Variants in ABCB1 observed in about 807,000 individuals in gnomAD.
ABCB1 encodes the protein ATP-dependent translocase ABCB1.
ABCB1 carries 69 observed loss-of-function variants against 142.0 expected under a neutral mutation model. The observed-to-expected ratio is 0.49, with a 90% CI of 0.40 to 0.59. The LOEUF is 0.59. Ranked by LOEUF, ABCB1 falls within the 20% of genes least tolerant of loss-of-function variation. The pLI is 0.00. For synonymous variants in ABCB1, 532 were observed against 539.2 expected, an observed-to-expected ratio of 0.99 and a Z score of 0.18; for missense variants, 1,326 against 1,554.7, an observed-to-expected ratio of 0.85 and a Z score of 2.47.
intron 25 of ABCB1, among the ~76,000 whole-genome samples, chr7:87,512,681 C>A (rs539531709): frequency 6.6e-6 from 1 of 152,214 alleles, no homozygotes; most frequent in African/African-American, 2.4e-5. Flanking sequence ...CAGGGCTACT[C>A]ATTGATGTCC....
chr7:87,690,949 A>G (rs1827956727), intron 1 of ABCB1, among the ~76,000 whole-genome samples: 1 of 152,142 alleles, frequency 6.6e-6, no homozygotes, highest in South Asian at 2.1e-4. Context: ...AGAGAGAGAG[A>G]AAATAGAATA....
chr7:87,679,931 T>A (rs1826759254), intron 1 of ABCB1, among the ~76,000 whole-genome samples: 1 of 150,564 alleles, frequency 6.6e-6, no homozygotes, highest in Non-Finnish European at 1.5e-5. Context: ...TACACTTTTT[T>A]AAACAAATTA....
chr7:87,654,865 C>A (rs891299728), intron 1 of ABCB1, among the ~76,000 whole-genome samples: 6 of 151,954 alleles, frequency 3.9e-5, no homozygotes, highest in African/African-American at 1.4e-4. Context: ...AAATAAATAG[C>A]CTGATTTAGG....
At chr7:87,679,550 CA>C (rs1234201901) in intron 1 of ABCB1, among the ~76,000 whole-genome samples, 1 of 149,970 alleles carries the variant, frequency 6.7e-6, no homozygotes, top group East Asian at 2.0e-4. Context: ...CCACTACACC[CA>C]GCTAATTTTT....
In ABCB1 at chr7:87,566,777, AT is replaced by A; in HGVS notation, c.530+7del. On this transcript the variant is annotated splice_region_variant and intron_variant, in intron 6 of 27. Coordinates refer to ENST00000622132, the MANE Select transcript of ABCB1 (RefSeq NM_001348946.2). ...ACACCCAAGTTCAACATAAAACTAAATACTTACTCTGTAAGTCGGGTGTTAA... is the reference window on the plus strand; with the variant it reads ...ACACCCAAGTTCAACATAAAACTAAAACTTACTCTGTAAGTCGGGTGTTAA... 4.3e-6 allele frequency: 7 copies of A among 1,612,822 alleles called. No homozygotes were observed. Among genetic ancestry groups the A allele is most frequent in the Non-Finnish European group, 5.9e-6 (7 of 1,178,842 alleles).
chr7:87,709,060 A>G (rs139041939), intron 1 of ABCB1, among the ~76,000 whole-genome samples: 43 of 152,274 alleles, frequency 2.8e-4, no homozygotes, highest in Admixed American at 4.6e-4. Context: ...CTTCTGTTCT[A>G]TTAAAAGTTC....
intron 24 of ABCB1, among the ~76,000 whole-genome samples, chr7:87,515,996 T>G (rs1312124910): frequency 6.6e-6 from 1 of 152,132 alleles, no homozygotes; most frequent in African/African-American, 2.4e-5. Flanking sequence ...CTACAATAAC[T>G]CAAATCTGTT....
intron 12 of ABCB1, 28 bp from the exon 13 acceptor site, chr7:87,550,082 A>G: frequency 6.2e-7 from 1 of 1,614,084 alleles, no homozygotes; most frequent in Non-Finnish European, 8.5e-7. Context: ...TGTGACTTTC[A>G]TACATTTGTA....
At chr7:87,610,164 G>A (rs1215217324) in intron 1 of ABCB1, among the ~76,000 whole-genome samples, 1 of 149,686 alleles carries the variant, frequency 6.7e-6, no homozygotes, top group Non-Finnish European at 1.5e-5. Context: ...TGACCTTGTA[G>A]TTGTGTTTCT....
rs550891472 is a variant in ABCB1, at chr7:87,512,483, G to A, written c.3282+2748C>T. 5.0e-4 allele frequency among the ~76,000 whole-genome samples: 76 copies of A among 152,262 alleles called. No individual in the cohort carries two copies. The South Asian group carries it at 0.015, about 30-fold the overall frequency. On this transcript the variant is annotated intron_variant, in intron 25 of 27. Transcript: ENST00000622132. ...TGAGGCCATTCTAATATTCACCGAA[G>A]CTTTAGAACCACCATTTCAGGTCAA...
chr7:87,520,983 A>T (rs1563032527), intron 21 of ABCB1, 107 bp from the exon 22 acceptor site: 1 of 829,776 alleles, frequency 1.2e-6, no homozygotes, highest in South Asian at 1.5e-5. Flanking sequence ...TTACATATTT[A>T]TTATTATGTA....
rs1166730436 is a variant in ABCB1, at chr7:87,536,645, C to A, written c.2398-104G>T. The A allele has an allele frequency of 1.2e-5, 11 of 892,182 alleles. No individual in the cohort carries two copies. The African/African-American group carries it at 1.6e-4, about 13-fold the overall frequency. The allele number at this position is 892,182 out of a possible 1,614,324, so 55.3% of individuals were successfully genotyped here. ...GTTTTGTTTATACTTATACCCCCTGCATTTAGTACTCAGGATGTGACATTC... is the reference window on the plus strand; with the variant it reads ...GTTTTGTTTATACTTATACCCCCTGAATTTAGTACTCAGGATGTGACATTC... On this transcript the variant is annotated intron_variant, in intron 19 of 27. Transcript: ENST00000622132.
At chr7:87,608,566 T>C (rs1819740954) in intron 1 of ABCB1, among the ~76,000 whole-genome samples, 1 of 152,198 alleles carries the variant, frequency 6.6e-6, no homozygotes, top group African/African-American at 2.4e-5. Flanking sequence ...CCCTTTGCCC[T>C]AAGATATCAG....
chr7:87,710,544 A>G (rs904445516), intron 1 of ABCB1: 7 of 1,386,918 alleles, frequency 5.0e-6, no homozygotes, highest in Non-Finnish European at 7.0e-6. Context: ...TTTTTTTTAT[A>G]TTTGATTCTT....
chr7:87,527,078 A>T (rs1288790134), intron 21 of ABCB1, among the ~76,000 whole-genome samples: 1 of 152,014 alleles, frequency 6.6e-6, no homozygotes, highest in African/African-American at 2.4e-5. Flanking sequence ...TTTTAATAGC[A>T]TCTAGGAACA....
intron 1 of ABCB1, among the ~76,000 whole-genome samples, chr7:87,699,944 T>C (rs1301744028): frequency 6.6e-6 from 1 of 152,184 alleles, no homozygotes; most frequent in Admixed American, 6.5e-5. Context: ...AAACAACACA[T>C]TGTATACCTT....
chr7:87,605,633 C>G (rs1819624408), upstream of ABCB1, among the ~76,000 whole-genome samples: 1 of 152,152 alleles, frequency 6.6e-6, no homozygotes, highest in Admixed American at 6.5e-5. Context: ...GGAATTCCAG[C>G]TTCATGACTT....
intron 1 of ABCB1, among the ~76,000 whole-genome samples, chr7:87,624,153 A>G (rs1265804207): frequency 2.6e-5 from 4 of 152,216 alleles, no homozygotes; most frequent in Admixed American, 6.5e-5. Context: ...AAAAATTTAT[A>G]TCTATCCATT....
intron 21 of ABCB1, among the ~76,000 whole-genome samples, chr7:87,524,200 T>A (rs1416555570): frequency 6.6e-6 from 1 of 152,020 alleles, no homozygotes; most frequent in Admixed American, 6.6e-5. Flanking sequence ...AAACAAAAAC[T>A]TATTTAAAAA....
Sources: allele counts gnomAD v4.1 joint callset (sites outside exome capture counted in the v4.1 genomes callset), GRCh38; gene constraint gnomAD v4.1.1; transcripts MANE v1.5; gene names NCBI Gene and HGNC (gene_info 2026-07-23, HGNC 2026-07-21).